Variants in MGAT4C observed in about 807,000 individuals in gnomAD.
MGAT4C encodes MGAT4 family member C.
Under a neutral mutation model 40.1 loss-of-function variants are expected in MGAT4C, and 19 were observed. The observed-to-expected ratio is 0.47, with a 90% CI of 0.33 to 0.70. The LOEUF (loss-of-function observed/expected upper bound fraction) is 0.70, where lower values mean the gene tolerates loss of function less well. MGAT4C is among the 30% of genes least tolerant of loss of function. The pLI is 0.02. For synonymous variants in MGAT4C, 181 were observed against 187.1 expected, an observed-to-expected ratio of 0.97 and a Z score of 0.27; for missense variants, 491 against 563.2, an observed-to-expected ratio of 0.87 and a Z score of 1.30.
intron 2 of MGAT4C, among the ~76,000 whole-genome samples, chr12:86,622,687 T>C (rs1295346834): frequency 3.3e-5 from 5 of 152,120 alleles, no homozygotes; most frequent in Non-Finnish European, 1.5e-5. Context: ...CTCAAGAATA[T>C]TAATGAGAAT....
intron 2 of MGAT4C, among the ~76,000 whole-genome samples, chr12:86,714,390 G>T (rs771433503): frequency 5.3e-5 from 8 of 151,978 alleles, no homozygotes; most frequent in Admixed American, 3.3e-4. Context: ...GATATTGTTT[G>T]GCTGTGTCCC....
intron 2 of MGAT4C, among the ~76,000 whole-genome samples, chr12:85,999,346 A>C (rs1207748874): frequency 6.6e-6 from 1 of 152,176 alleles, no homozygotes; most frequent in Non-Finnish European, 1.5e-5. Context: ...TTTCTAAAAC[A>C]GACCTGATTT....
rs140665968 is a variant in MGAT4C, at chr12:86,489,469, G to C, written c.-228-54204C>G. 9.2e-5 allele frequency among the ~76,000 whole-genome samples: 14 copies of C among 152,308 alleles called. No homozygotes were observed. The East Asian group carries it at 2.7e-3, about 29-fold the overall frequency. ...CACTAGCCCTTTCCTCTTGCTGCCA[G>C]AGGGCAGCTGCCCCAAACTACAAGG... On this transcript the variant is annotated intron_variant, in intron 2 of 7. Transcript: ENST00000548651.
chr12:86,785,926 G>A (rs1369240325), intron 1 of MGAT4C, among the ~76,000 whole-genome samples: 1 of 151,904 alleles, frequency 6.6e-6, no homozygotes, highest in Admixed American at 6.6e-5. Flanking sequence ...AAACCAGTAT[G>A]CAACTTAAAT....
rs142981140 is a variant in MGAT4C at position 86,522,492 on chromosome 12, A to C, written c.-228-87227T>G. Among the ~76,000 whole-genome samples the C allele has an allele frequency of 5.8e-3, 887 of 152,224 alleles. 5 individuals carry two copies. Among genetic ancestry groups the C allele is most frequent in the Middle Eastern group, 0.01 (3 of 294 alleles). On this transcript the variant is annotated intron_variant, in intron 2 of 7. Coordinates refer to the MGAT4C transcript ENST00000548651. ...GATAAGATTTTTGATGTGCTGCTGG[A>C]TTAGGTTTGCCAGAATCTGAGGATG...
intron 2 of MGAT4C, among the ~76,000 whole-genome samples, chr12:86,581,274 T>C (rs570104775): frequency 6.6e-6 from 1 of 151,582 alleles, no homozygotes; most frequent in African/African-American, 2.4e-5. Flanking sequence ...ACAGTTTTGA[T>C]AGTGGTGTCT....
At chr12:86,076,177 C>T (rs1267322720) in intron 1 of MGAT4C, among the ~76,000 whole-genome samples, 2 of 152,154 alleles carry the variant, frequency 1.3e-5, no homozygotes. Flanking sequence ...CAAAGTTCCA[C>T]AAGTCTCTAG....
chr12:86,455,794 T>C (rs986368390), intron 2 of MGAT4C, among the ~76,000 whole-genome samples: 1 of 152,142 alleles, frequency 6.6e-6, no homozygotes, highest in South Asian at 2.1e-4. Context: ...AGATTATTAA[T>C]ATCTAGTTTC....
chr12:86,544,550 G>A (rs1031784416), intron 2 of MGAT4C, among the ~76,000 whole-genome samples: 2 of 151,878 alleles, frequency 1.3e-5, no homozygotes, highest in South Asian at 2.1e-4. Context: ...AAAACACATG[G>A]TCTATACAAA....
At chr12:86,527,488 G>T (rs1472627942) in intron 2 of MGAT4C, among the ~76,000 whole-genome samples, 1 of 151,944 alleles carries the variant, frequency 6.6e-6, no homozygotes, top group Non-Finnish European at 1.5e-5. Flanking sequence ...GTATTTTGTG[G>T]TTTCATATAA....
chr12:86,366,040 T>A (rs979133416), intron 3 of MGAT4C, among the ~76,000 whole-genome samples: 1 of 152,236 alleles, frequency 6.6e-6, no homozygotes, highest in Non-Finnish European at 1.5e-5. Context: ...TTTTTCCATT[T>A]ATTTTTTTCA....
chr12:86,824,286 C>T (rs1050078305), intron 1 of MGAT4C, among the ~76,000 whole-genome samples: 1 of 151,296 alleles, frequency 6.6e-6, no homozygotes, highest in Non-Finnish European at 1.5e-5. Flanking sequence ...CAAAAGGAAG[C>T]TGTAAAGTGA....
intron 2 of MGAT4C, among the ~76,000 whole-genome samples, chr12:86,562,517 C>T (rs1297461741): frequency 6.6e-6 from 1 of 152,074 alleles, no homozygotes; most frequent in African/African-American, 2.4e-5. Context: ...TACCACCAGC[C>T]TTTACACCTT....
In MGAT4C at chr12:85,964,409, T is replaced by C. The variant is rs1022342061; in HGVS notation, c.*14880A>G. On this transcript the variant is annotated 3_prime_UTR_variant, in exon 5 of 5. Coordinates refer to ENST00000611864, the MANE Select transcript of MGAT4C (RefSeq NM_001351288.2). ...CATAGAATGTTAGTTTTGTAGAAAA[T>C]TTTAGAGATTTTAATACCAGGATGA... The C allele has an allele frequency of 1.3e-5, 2 of 152,066 alleles. No individual in the cohort carries two copies. The highest frequency in any genetic ancestry group is 4.8e-5 in the African/African-American group (2 of 41,424). The allele number at this position is 152,066 out of a possible 1,614,324, so 9.4% of individuals were successfully genotyped here.
In MGAT4C at chr12:86,535,199, G is replaced by A. The variant is rs376680274; in HGVS notation, c.-228-99934C>T. On this transcript the variant is annotated intron_variant, in intron 2 of 7. Coordinates refer to the MGAT4C transcript ENST00000548651. ...AACTAATATTATTTGCCAATGACCC[G>A]TGTATTTCACGCATAAAATGGATGA... Among the ~76,000 whole-genome samples, 33 of 152,102 alleles carry A rather than the reference G, an allele frequency of 2.2e-4. 1 individual carries two copies. In the South Asian group the frequency reaches 6.4e-3, roughly 30 times the overall value.
intron 2 of MGAT4C, among the ~76,000 whole-genome samples, chr12:86,041,773 C>T (rs11513957): frequency 0.35 from 53,901 of 151,990 alleles, 10,001 homozygotes; most frequent in Non-Finnish European, 0.4. Flanking sequence ...CCCGTGTGCA[C>T]GTGAAAAGAA....
intron 1 of MGAT4C, among the ~76,000 whole-genome samples, chr12:86,139,680 A>G (rs1410746762): frequency 6.6e-6 from 1 of 152,150 alleles, no homozygotes; most frequent in African/African-American, 2.4e-5. Context: ...GAAAATGTAT[A>G]TATATGCTTT....
Position 86,823,807 on chromosome 12 carries a change from A to G in MGAT4C, c.-262+14859T>C, listed in dbSNP as rs186183811. 1.1e-3 allele frequency among the ~76,000 whole-genome samples: 163 copies of G among 151,246 alleles called. 1 individual carries two copies. The highest frequency in any genetic ancestry group is 3.4e-3 in the Middle Eastern group (1 of 294). On this transcript the variant is annotated intron_variant, in intron 1 of 7. Coordinates refer to the MGAT4C transcript ENST00000548651. ...TAAAAAAGGCTAGTAAGTGATATGC[A>G]GAAAACAGTAGAAGTGAAACATAGA...
Position 85,980,244 on chromosome 12 carries a change from G to T in MGAT4C, c.482C>A (p.Ala161Glu). 6.2e-7 allele frequency: 1 copy of T among 1,613,778 alleles called. No individual in the cohort carries two copies. Among genetic ancestry groups the T allele is most frequent in the Admixed American group, 1.7e-5 (1 of 59,956 alleles). The change falls in exon 5 of 5, where the codon GCG becomes GAG. Residue 161 changes from alanine (A) to glutamate (E), a missense_variant. Coordinates refer to ENST00000611864, the MANE Select transcript of MGAT4C (RefSeq NM_001351288.2). ...AMVQDITQKF[A>E]HHIIAGRLMV... Reference sequence around the variant, plus strand: ...TAATCTTCCTGCAATAATATGGTGCGCAAATTTCTGTGTAATATCCTGGAC... The same window carrying T: ...TAATCTTCCTGCAATAATATGGTGCTCAAATTTCTGTGTAATATCCTGGAC...
Sources: gnomAD v4.1 joint callset for allele counts (sites outside exome capture counted in the v4.1 genomes callset) on GRCh38, gnomAD v4.1.1 for gene constraint, MANE v1.5 for transcripts, NCBI Gene and HGNC (gene_info 2026-07-23, HGNC 2026-07-21) for gene names.